Variants in CCDC148 observed in about 807,000 individuals in gnomAD.
CCDC148 encodes the protein coiled-coil domain-containing protein 148.
A neutral mutation model predicts 85.7 loss-of-function variants in CCDC148; 89 were observed. The ratio of observed to expected loss-of-function variants is 1.04; its 90% CI spans 0.87 to 1.24. The LOEUF is 1.24. Among genes scored for constraint, CCDC148 ranks in the 50% most tolerant of loss-of-function variants. The pLI, the probability that CCDC148 is intolerant of heterozygous loss-of-function variation, is 0.00. For synonymous variants in CCDC148, 230 were observed against 213.9 expected (o/e 1.08, Z -0.66); for missense variants, 692 against 671.7 (o/e 1.03, Z -0.33).
rs147205053 is a variant in CCDC148 at position 158,331,507 on chromosome 2, T to C, written c.764+7219A>G. The stretch of plus-strand genomic sequence containing the variant: ...TGTTGATTTGGGGTGGAGAGTTCTG[T>C]AGATGTCTATTATGTCCGCTTGGTG... On this transcript the variant is annotated intron_variant, in intron 7 of 13. Transcript: ENST00000283233. Among the ~76,000 whole-genome samples the C allele has an allele frequency of 3.4e-3, 517 of 152,324 alleles. 1 individual carries two copies. Among genetic ancestry groups the C allele is most frequent in the African/African-American group, 0.01 (428 of 41,584 alleles).
At chr2:158,359,225 A>C (rs1459954643) in intron 1 of CCDC148, among the ~76,000 whole-genome samples, 4 of 152,298 alleles carry the variant, frequency 2.6e-5, no homozygotes, top group Non-Finnish European at 5.9e-5. Flanking sequence ...AACTTGAGTA[A>C]ATCGAACAAA....
At chr2:158,307,835 T>C (rs1453468339) in intron 9 of CCDC148, among the ~76,000 whole-genome samples, 1 of 152,152 alleles carries the variant, frequency 6.6e-6, no homozygotes, top group African/African-American at 2.4e-5. Context: ...ACAAAACTAA[T>C]CGATGGTCAT....
chr2:158,176,517 T>G lies in CCDC148; in HGVS notation c.1629+4A>C. On this transcript the variant is annotated splice_donor_region_variant and intron_variant, in intron 13 of 13. Coordinates refer to ENST00000283233, the MANE Select transcript of CCDC148 (RefSeq NM_138803.4). ...TCATCAGTCATGCTAATTTCCATAA[T>G]TACCTGCTGTTCATTGTATGTATTC... 1 of 1,609,750 alleles carries G rather than the reference T, an allele frequency of 6.2e-7. No homozygotes were observed. The highest frequency in any genetic ancestry group is 8.5e-7 in the Non-Finnish European group (1 of 1,177,016).
intron 7 of CCDC148, among the ~76,000 whole-genome samples, chr2:158,333,994 C>T (rs1038862758): frequency 3.3e-5 from 5 of 152,126 alleles, no homozygotes; most frequent in Admixed American, 2.0e-4. Context: ...ACTGGGATTG[C>T]ATTGAATGCA....
chr2:158,267,911 C>T (rs530677251), intron 9 of CCDC148, among the ~76,000 whole-genome samples: 10 of 152,198 alleles, frequency 6.6e-5, no homozygotes, highest in African/African-American at 2.4e-4. Context: ...CCATGTTGTT[C>T]CATGTATGAG....
intron 2 of CCDC148, among the ~76,000 whole-genome samples, chr2:158,352,341 G>C (rs1021038427): frequency 2.0e-5 from 3 of 152,200 alleles, no homozygotes; most frequent in African/African-American, 7.2e-5. Context: ...AAATTTAGAA[G>C]AATGTATAAC....
intron 1 of CCDC148, among the ~76,000 whole-genome samples, chr2:158,398,829 AT>A (rs1685644515): frequency 6.6e-6 from 1 of 152,184 alleles, no homozygotes; most frequent in East Asian, 1.9e-4. Flanking sequence ...ATATCAATGA[AT>A]CCAGGAGCTG....
chr2:158,377,101 A>G (rs1017360266), intron 1 of CCDC148, among the ~76,000 whole-genome samples: 1 of 152,016 alleles, frequency 6.6e-6, no homozygotes, highest in African/African-American at 2.4e-5. Context: ...TTTATTTCAT[A>G]ATCTCTTTGC....
chr2:158,366,230 G>T (rs547550751), intron 1 of CCDC148, among the ~76,000 whole-genome samples: 91 of 152,192 alleles, frequency 6.0e-4, no homozygotes, highest in African/African-American at 2.1e-3. Flanking sequence ...GCCCCTAGAA[G>T]CCTCCCTCTG....
At chr2:158,320,794 A>G (rs1692486465) in intron 7 of CCDC148, among the ~76,000 whole-genome samples, 1 of 152,176 alleles carries the variant, frequency 6.6e-6, no homozygotes, top group South Asian at 2.1e-4. Flanking sequence ...CATCATATAA[A>G]ACCCAGATTT....
At chr2:158,236,099 GC>G (rs1173115561) in intron 10 of CCDC148, 1 of 152,184 alleles carries the variant, frequency 6.6e-6, no homozygotes, top group Admixed American at 6.5e-5. Context: ...AAGTATTAAT[GC>G]CTTTTATTAT....
intron 9 of CCDC148, among the ~76,000 whole-genome samples, chr2:158,303,259 T>A (rs2105201690): frequency 6.6e-6 from 1 of 152,316 alleles, no homozygotes; most frequent in Non-Finnish European, 1.5e-5. Flanking sequence ...AGTAATATTT[T>A]TCACACTCTG....
intron 1 of CCDC148, among the ~76,000 whole-genome samples, chr2:158,404,081 A>G (rs968640875): frequency 6.6e-6 from 1 of 152,172 alleles, no homozygotes; most frequent in African/African-American, 2.4e-5. Flanking sequence ...TGCAGTAATA[A>G]AAGAAATAAT....
chr2:158,254,781 C>CGATTAT (rs1688944011), intron 9 of CCDC148, among the ~76,000 whole-genome samples: 1 of 151,360 alleles, frequency 6.6e-6, no homozygotes, highest in Admixed American at 6.6e-5. Flanking sequence ...CATTGAATGA[C>CGATTAT]CTTTGCATAT....
chr2:158,172,289 C>G, intron 13 of CCDC148, 30 bp from the exon 14 acceptor site: 1 of 1,475,524 alleles, frequency 6.8e-7, no homozygotes. Flanking sequence ...ATTTAAATAA[C>G]AATTCATTGA....
At chr2:158,214,561 G>A (rs1686748451) in intron 11 of CCDC148, among the ~76,000 whole-genome samples, 1 of 152,136 alleles carries the variant, frequency 6.6e-6, no homozygotes, top group Non-Finnish European at 1.5e-5. Context: ...ATAATATTCA[G>A]GGTCATGTTT....
chr2:158,309,389 T>C (rs1239993208), intron 9 of CCDC148, 44 bp downstream of exon 9: 2 of 1,498,366 alleles, frequency 1.3e-6, no homozygotes, highest in African/African-American at 2.8e-5. Context: ...AAATGGATTC[T>C]TAAATATCCA....
At chr2:158,228,027 A>T (rs144686252) in intron 10 of CCDC148, among the ~76,000 whole-genome samples, 2,302 of 152,332 alleles carry the variant, frequency 0.015, 26 homozygotes, top group African/African-American at 0.029. Context: ...GACAACCTAC[A>T]GAATGGGAGA....
intron 1 of CCDC148, among the ~76,000 whole-genome samples, chr2:158,435,152 A>G: frequency 6.6e-6 from 1 of 152,198 alleles, no homozygotes; most frequent in African/African-American, 2.4e-5. Flanking sequence ...CCTCGAGAAG[A>G]GCAACTCCAA....
Sources: allele counts gnomAD v4.1 joint callset (sites outside exome capture counted in the v4.1 genomes callset), GRCh38; gene constraint gnomAD v4.1.1; transcripts MANE v1.5; gene names NCBI Gene and HGNC (gene_info 2026-07-23, HGNC 2026-07-21).